SERPINB5: variants seen among roughly 807,000 people sequenced by gnomAD.
SERPINB5 encodes serpin B5.
In SERPINB5, 27 loss-of-function variants were observed where a neutral mutation model predicts 32.2. The ratio of observed to expected loss-of-function variants is 0.84; its 90% CI spans 0.62 to 1.16. SERPINB5 has a LOEUF of 1.16. SERPINB5 is among the 50% of genes most tolerant of loss of function. The pLI is 0.00. For missense variants in SERPINB5, 388 were observed against 436.3 expected (o/e 0.89, Z 0.99); for synonymous variants, 154 against 157.4 (o/e 0.98, Z 0.16).
intron 1 of SERPINB5, among the ~76,000 whole-genome samples, chr18:63,482,770 C>A (rs1360716492): frequency 6.6e-6 from 1 of 151,156 alleles, no homozygotes; most frequent in Non-Finnish European, 1.5e-5. Context: ...CACTATTTAC[C>A]AAACTAGAAA....
chr18:63,481,007 T>C (rs925955805), intron 1 of SERPINB5, among the ~76,000 whole-genome samples: 2 of 152,150 alleles, frequency 1.3e-5, no homozygotes, highest in African/African-American at 2.4e-5. Flanking sequence ...AGGATTAGCA[T>C]GCAAAGGAAG....
chr18:63,478,768 T>TTTG (rs1917077629), intron 1 of SERPINB5, among the ~76,000 whole-genome samples: 1 of 151,254 alleles, frequency 6.6e-6, no homozygotes, highest in Non-Finnish European at 1.5e-5. Flanking sequence ...GTTTTTTTTT[T>TTTG]TTTTTTCTTG....
At chr18:63,492,922 T>C in intron 4 of SERPINB5, 31 bp from the exon 5 acceptor site, 2 of 1,596,406 alleles carry the variant, frequency 1.3e-6, no homozygotes, top group Non-Finnish European at 1.7e-6. Flanking sequence ...AGAATAATTC[T>C]GCTACTTGTG....
chr18:63,488,786 C>T (rs1568109426), intron 3 of SERPINB5, among the ~76,000 whole-genome samples: 1 of 152,130 alleles, frequency 6.6e-6, no homozygotes, highest in African/African-American at 2.4e-5. Context: ...CATTGTGTTT[C>T]CAACCTTAAT....
intron 1 of SERPINB5, among the ~76,000 whole-genome samples, chr18:63,481,848 C>T (rs1164628872): frequency 6.6e-6 from 1 of 152,156 alleles, no homozygotes; most frequent in Non-Finnish European, 1.5e-5. Context: ...GTCACCTTTC[C>T]CTGGGGTGTG....
intron 1 of SERPINB5, among the ~76,000 whole-genome samples, chr18:63,477,772 TA>T (rs1213495098): frequency 6.6e-6 from 1 of 152,208 alleles, no homozygotes; most frequent in Non-Finnish European, 1.5e-5. Flanking sequence ...CATATCATAC[TA>T]AAAACCAACA....
intron 4 of SERPINB5, among the ~76,000 whole-genome samples, chr18:63,489,959 A>G (rs913132355): frequency 4.6e-5 from 7 of 151,244 alleles, no homozygotes; most frequent in South Asian, 2.1e-4. Flanking sequence ...TTGGGAGGCC[A>G]AGGCGGGCGG....
intron 5 of SERPINB5, among the ~76,000 whole-genome samples, chr18:63,497,937 G>A (rs1452381146): frequency 2.0e-5 from 3 of 152,156 alleles, no homozygotes; most frequent in Non-Finnish European, 4.4e-5. Flanking sequence ...TAAAAACCAA[G>A]GTTCTTATCT....
At chr18:63,484,078 A>G (rs1917166380) in intron 1 of SERPINB5, among the ~76,000 whole-genome samples, 1 of 152,244 alleles carries the variant, frequency 6.6e-6, no homozygotes, top group African/African-American at 2.4e-5. Context: ...ACAATATGTG[A>G]TAAATAAAAC....
intron 4 of SERPINB5, among the ~76,000 whole-genome samples, chr18:63,489,981 A>C (rs1305365796): frequency 1.3e-5 from 2 of 152,348 alleles, no homozygotes; most frequent in Non-Finnish European, 2.9e-5. Flanking sequence ...TCACGAGGTC[A>C]GGAGATCGAG....
chr18:63,504,334 A>G lies in SERPINB5; in HGVS notation c.*612A>G, dbSNP rs1909636548. 1 of 152,414 alleles carries G rather than the reference A, an allele frequency of 6.6e-6. No homozygotes were observed. The highest frequency in any genetic ancestry group is 2.4e-5 in the African/African-American group (1 of 41,448). 9.4% of individuals were successfully genotyped at this position (152,414 alleles called of 1,614,324 possible). ...CACTGTATGTTATAGAACTTCATGGATCAGATCTGGGGCAGCACCCTATAA... is the reference window on the plus strand; with the variant it reads ...CACTGTATGTTATAGAACTTCATGGGTCAGATCTGGGGCAGCACCCTATAA... On this transcript the variant is annotated 3_prime_UTR_variant, in exon 7 of 7. Transcript: ENST00000382771.
intron 6 of SERPINB5, among the ~76,000 whole-genome samples, chr18:63,500,587 T>C (rs1387239762): frequency 1.3e-5 from 2 of 152,158 alleles, no homozygotes; most frequent in Non-Finnish European, 2.9e-5. Context: ...TGCAGGTGAA[T>C]GGAGTTTTAG....
intron 5 of SERPINB5, among the ~76,000 whole-genome samples, chr18:63,495,514 G>C (rs1014994733): frequency 2.6e-5 from 4 of 152,216 alleles, no homozygotes; most frequent in African/African-American, 9.6e-5. Flanking sequence ...TCTGAAACAG[G>C]TTGCCAATGG....
chr18:63,484,643 TAGAAC>T, intron 2 of SERPINB5, 47 bp downstream of exon 2: 1 of 1,563,090 alleles, frequency 6.4e-7, no homozygotes, highest in Non-Finnish European at 8.7e-7. Flanking sequence ...ATACAGTTAT[TAGAAC>T]CCATAGGCAG....
chr18:63,503,177 A>T (rs1309748481), intron 6 of SERPINB5, among the ~76,000 whole-genome samples, 153 bp from the exon 7 acceptor site: 5 of 152,210 alleles, frequency 3.3e-5, no homozygotes, highest in Non-Finnish European at 5.9e-5. Flanking sequence ...GGGTCTCCTG[A>T]GTCACATACC....
chr18:63,495,094 G>C (rs530663652), intron 5 of SERPINB5, among the ~76,000 whole-genome samples: 2 of 152,346 alleles, frequency 1.3e-5, no homozygotes, highest in African/African-American at 4.8e-5. Flanking sequence ...TGGGAGCTGA[G>C]GGATGGGTAG....
intron 5 of SERPINB5, chr18:63,497,063 G>C (rs1042787842): frequency 3.5e-6 from 2 of 576,058 alleles, no homozygotes; most frequent in African/African-American, 3.7e-5. Flanking sequence ...TCCGGCCTGT[G>C]TCTGCCTCCT....
At position 63,499,047 on chromosome 18, in the gene SERPINB5, G is replaced by GTATATATATATA. The variant is rs55944702; in HGVS notation, c.568-63_568-52dup. The GTATATATATATA allele has an allele frequency of 7.9e-3, 3,936 of 497,354 alleles. 111 individuals carry two copies. The highest frequency in any genetic ancestry group is 0.058 in the African/African-American group (2,890 of 50,056). 30.8% of individuals were successfully genotyped at this position (497,354 alleles called of 1,614,324 possible). A position where few individuals can be genotyped will look rare whatever the true frequency, so the allele number is the denominator to read the frequency against. On this transcript the variant is annotated intron_variant, in intron 5 of 6. Coordinates refer to ENST00000382771, the MANE Select transcript of SERPINB5 (RefSeq NM_002639.5). The stretch of plus-strand genomic sequence containing the variant: ...TGTGTGTGTGTGTGCGCGCGTGTGT[G>GTATATATATATA]TATATATATATATATATATATTTAT...
chr18:63,492,393 AC>A (rs2144502444), intron 4 of SERPINB5, among the ~76,000 whole-genome samples: 1 of 152,346 alleles, frequency 6.6e-6, no homozygotes, highest in African/African-American at 2.4e-5. Context: ...GCCTCAGTTT[AC>A]TGCACTGTAA....
Sources: allele counts gnomAD v4.1 joint callset (sites outside exome capture counted in the v4.1 genomes callset), GRCh38; gene constraint gnomAD v4.1.1; transcripts MANE v1.5; gene names NCBI Gene and HGNC (gene_info 2026-07-23, HGNC 2026-07-21).